FHIP1B: variants seen among roughly 807,000 people sequenced by gnomAD.
FHIP1B encodes the protein FHF complex subunit HOOK-interacting protein 1B.
A neutral mutation model predicts 82.2 loss-of-function variants in FHIP1B; 28 were observed. That is an observed-to-expected ratio of 0.34 (90% confidence interval 0.25 to 0.47). FHIP1B has a LOEUF of 0.47. FHIP1B is among the 20% of genes least tolerant of loss of function. FHIP1B has a pLI of 1.00. For missense variants in FHIP1B, 1,110 were observed against 1,262.6 expected (o/e 0.88, Z 1.83); for synonymous variants, 585 against 516.1 (o/e 1.13, Z -1.81).
chr11:6,227,587 T>C (rs1325112068), intron 1 of FHIP1B, among the ~76,000 whole-genome samples: 2 of 152,196 alleles, frequency 1.3e-5, no homozygotes, highest in East Asian at 3.8e-4. Context: ...AGGATATTCA[T>C]GATGTCCAGA....
Position 6,223,879 on chromosome 11 carries a change from G to A in FHIP1B, c.508C>T (p.Pro170Ser), listed in dbSNP as rs369291099. ...AGCACCAAGCCTTCATCCAGTGCTG[G>A]GCTACTGGGCACAGGGCGGCCACAG... Reference protein sequence around the residue: ...DACGRPVPSSPALDEGLVLLL... With the variant: ...DACGRPVPSSSALDEGLVLLL... The change falls in exon 3 of 12, where the codon CCA becomes TCA. Residue 170 changes from proline to serine, a missense_variant. Pro to Ser is a moderately conservative substitution (Grantham distance 74, BLOSUM62 -1). Transcript: ENST00000449352. The surrounding 1 kb of genome is among the most constrained non-coding windows in gnomAD (Gnocchi z 4.8). The A allele has an allele frequency of 6.2e-7, 1 of 1,614,120 alleles. No homozygotes were observed. Among genetic ancestry groups the A allele is most frequent in the African/African-American group, 1.3e-5 (1 of 74,944 alleles).
intron 9 of FHIP1B, chr11:6,215,311 A>G (rs79724927): frequency 0.043 from 6,815 of 159,190 alleles, 147 homozygotes; most frequent in African/African-American, 0.048. Flanking sequence ...AATATAAAGC[A>G]TTTAGCCTCA....
Position 6,229,238 on chromosome 11 carries a change from C to T in FHIP1B, c.-191-4531G>A, listed in dbSNP as rs183693239. Among the ~76,000 whole-genome samples, 610 of 152,296 alleles carry T rather than the reference C, an allele frequency of 4.0e-3. 3 individuals carry two copies. Among genetic ancestry groups the T allele is most frequent in the Non-Finnish European group, 6.0e-3 (407 of 68,022 alleles). The stretch of plus-strand genomic sequence containing the variant: ...TGGTTTGAATCCCAGTCCACCATTC[C>T]CCAGCTGTGTGACTTTAAATAAATC... On this transcript the variant is annotated intron_variant, in intron 1 of 11. Transcript: ENST00000449352.
intron 8 of FHIP1B, among the ~76,000 whole-genome samples, 164 bp from the exon 9 acceptor site, chr11:6,218,314 C>T (rs1276407417): frequency 3.3e-5 from 5 of 152,136 alleles, no homozygotes; most frequent in South Asian, 2.1e-4. Context: ...CCTCATCCAC[C>T]ACCCCCACTC....
At chr11:6,231,794 C>T (rs1564872296) in intron 1 of FHIP1B, among the ~76,000 whole-genome samples, 2 of 152,286 alleles carry the variant, frequency 1.3e-5, no homozygotes, top group East Asian at 1.9e-4. Context: ...TGAGCCACTA[C>T]GCCCAGCCTA....
chr11:6,218,680 T>C lies in FHIP1B; in HGVS notation c.1355A>G (p.Lys452Arg). ...ACAGCGTGGGATTAGGGAGAGAAACTTGTCAGCTGCTCGTCCATATAGGTC... is the reference window on the plus strand; with the variant it reads ...ACAGCGTGGGATTAGGGAGAGAAACCTGTCAGCTGCTCGTCCATATAGGTC... Reference protein sequence around the residue: ...DVDLYGRAADKFLSLIPRCCR... With the variant: ...DVDLYGRAADRFLSLIPRCCR... Residue 452 changes from lysine (K) to arginine (R), a missense_variant, in exon 8 of 12, where the codon AAG (lysine) becomes AGG (arginine). Around this residue, in one of 6 missense-constraint regions of FHIP1B, gnomAD observed 467 missense variants for 602.9 expected, o/e 0.77. Transcript: ENST00000449352. 6.2e-7 allele frequency: 1 copy of C among 1,614,116 alleles called. No individual in the cohort carries two copies. The highest frequency in any genetic ancestry group is 8.5e-7 in the Non-Finnish European group (1 of 1,180,016).
At chr11:6,224,282 A>C (rs1057405445) in intron 2 of FHIP1B, 34 bp from the exon 3 acceptor site, 4 of 1,613,560 alleles carry the variant, frequency 2.5e-6, no homozygotes, top group Admixed American at 3.3e-5. Context: ...GAAGGAATCT[A>C]AATTGATAAG....
chr11:6,212,152 C>A (rs1214161403), intron 11 of FHIP1B, among the ~76,000 whole-genome samples: 1 of 152,220 alleles, frequency 6.6e-6, no homozygotes, highest in Non-Finnish European at 1.5e-5. Context: ...ACCCAGCCAA[C>A]CATCCTTCTC....
rs555385920 is a variant in FHIP1B, at chr11:6,214,314, C to T, written c.2557+97G>A. ...CTCAATTTTCTACAACTCACTAGGT[C>T]CTGGCACAACATTTCACTCTTAATA... On this transcript the variant is annotated intron_variant, in intron 11 of 11. Coordinates refer to ENST00000449352, the MANE Select transcript of FHIP1B (RefSeq NM_001098794.2). 3.2e-4 allele frequency: 445 copies of T among 1,398,786 alleles called. 1 individual carries two copies. The South Asian group carries it at 5.4e-3, about 17-fold the overall frequency. The allele number at this position is 1,398,786 out of a possible 1,614,324, so 86.6% of individuals were successfully genotyped here.
chr11:6,227,988 T>C (rs1847605527), intron 1 of FHIP1B, among the ~76,000 whole-genome samples: 1 of 152,126 alleles, frequency 6.6e-6, no homozygotes, highest in African/African-American at 2.4e-5. Flanking sequence ...TCAAATTAGT[T>C]AGTTAAAGAA....
chr11:6,232,196 T>C (rs1295595815), intron 1 of FHIP1B, among the ~76,000 whole-genome samples: 1 of 152,230 alleles, frequency 6.6e-6, no homozygotes, highest in Non-Finnish European at 1.5e-5. Flanking sequence ...CAACAGAGTT[T>C]GGGATAGCAA....
intron 9 of FHIP1B, chr11:6,216,735 A>G (rs1847237743): frequency 1.1e-5 from 3 of 283,176 alleles, no homozygotes; most frequent in African/African-American, 6.5e-5. Flanking sequence ...ATTTGCCTTC[A>G]AAGAAATTGC....
intron 1 of FHIP1B, among the ~76,000 whole-genome samples, chr11:6,228,526 G>A (rs1374376085): frequency 6.6e-6 from 1 of 152,128 alleles, no homozygotes; most frequent in Non-Finnish European, 1.5e-5. Context: ...CATTAAAATC[G>A]GGTATACTCA....
At chr11:6,225,086 T>TA (rs1352328348) in intron 1 of FHIP1B, among the ~76,000 whole-genome samples, 1 of 152,248 alleles carries the variant, frequency 6.6e-6, no homozygotes, top group Non-Finnish European at 1.5e-5. Context: ...ACTATCCTCC[T>TA]AAGAGTTATC....
At position 6,214,449 on chromosome 11, in the gene FHIP1B, G is replaced by A. The variant is rs1424324134; in HGVS notation, c.2519C>T (p.Pro840Leu). The A allele has an allele frequency of 1.2e-6, 2 of 1,613,640 alleles. No homozygotes were observed. The highest frequency in any genetic ancestry group is 2.2e-5 in the East Asian group (1 of 44,884). ...ACGGCGTGGGGCAGGTCCTGCTGCA[G>A]GGCCCTCAGCCCAGTCCAACTTGCC... ...ARGKLDWAEG[P>L]AAGPAPRRSD... is the part of the protein sequence containing the mutation. The change falls in exon 11 of 12, where the codon CCT (proline) becomes CTT (leucine). Residue 840 changes from proline (P) to leucine (L), a missense_variant. By Grantham distance (98) the Pro-to-Leu change is moderately conservative (BLOSUM62 -3). Transcript: ENST00000449352.
chr11:6,218,595 C>G lies in FHIP1B; in HGVS notation c.1435+5G>C. On this transcript the variant is annotated splice_donor_5th_base_variant and intron_variant, in intron 8 of 11. Coordinates refer to ENST00000449352, the MANE Select transcript of FHIP1B (RefSeq NM_001098794.2). ...CCCTTCTCCCTGTCTCTCTGCTAGGCCCACCTCGTGCCCATGAGGCATGCT... is the reference window on the plus strand; with the variant it reads ...CCCTTCTCCCTGTCTCTCTGCTAGGGCCACCTCGTGCCCATGAGGCATGCT... 1 of 1,614,094 alleles carries G rather than the reference C, an allele frequency of 6.2e-7. No homozygotes were observed. Among genetic ancestry groups the G allele is most frequent in the East Asian group, 2.2e-5 (1 of 44,866 alleles).
intron 1 of FHIP1B, among the ~76,000 whole-genome samples, chr11:6,231,025 C>T (rs1205313819): frequency 6.6e-6 from 1 of 152,064 alleles, no homozygotes; most frequent in Non-Finnish European, 1.5e-5. Context: ...CCAAGGAGTT[C>T]GGAGATCAGA....
rs1257002069 is a variant in FHIP1B at position 6,214,447 on chromosome 11, C to G, written c.2521G>C (p.Ala841Pro). 1 of 1,613,470 alleles carries G rather than the reference C, an allele frequency of 6.2e-7. No individual in the cohort carries two copies. The highest frequency in any genetic ancestry group is 8.5e-7 in the Non-Finnish European group (1 of 1,179,774). The change falls in exon 11 of 12, where the codon GCA (alanine) becomes CCA (proline). Residue 841 changes from alanine to proline, a missense_variant. Around this residue, in one of 6 missense-constraint regions of FHIP1B, gnomAD observed 147 missense variants for 154.0 expected, o/e 0.95. Transcript: ENST00000449352. ...RGKLDWAEGP[A>P]AGPAPRRSDP... ...GAACGGCGTGGGGCAGGTCCTGCTG[C>G]AGGGCCCTCAGCCCAGTCCAACTTG... is the stretch of plus-strand genomic sequence containing the variant.
intron 1 of FHIP1B, among the ~76,000 whole-genome samples, chr11:6,229,116 T>C (rs1003273012): frequency 2.0e-5 from 3 of 152,214 alleles, no homozygotes; most frequent in African/African-American, 7.2e-5. Context: ...TGGAACACTT[T>C]TCTCAATCGT....
Sources: allele counts gnomAD v4.1 joint callset (sites outside exome capture counted in the v4.1 genomes callset), GRCh38; gene constraint gnomAD v4.1.1; regional missense constraint gnomAD v4.1.1; non-coding constraint Gnocchi (gnomAD v3.1); transcripts MANE v1.5; gene names NCBI Gene and HGNC (gene_info 2026-07-23, HGNC 2026-07-21).